The following CALD1 variants were observed in gnomAD, a reference collection of about 807,000 sequenced individuals.
CALD1 encodes caldesmon.
Under a neutral mutation model 99.9 loss-of-function variants are expected in CALD1, and 33 were observed. That is an observed-to-expected ratio of 0.33 (90% CI 0.25 to 0.44). The LOEUF is 0.44. Ranked by LOEUF, CALD1 falls within the 20% of genes least tolerant of loss-of-function variation. CALD1 has a pLI of 1.00. For missense variants in CALD1, 861 were observed against 962.1 expected, an observed-to-expected ratio of 0.89 and a Z score of 1.39; for synonymous variants, 310 against 325.0, an observed-to-expected ratio of 0.95 and a Z score of 0.50.
chr7:134,770,820 G>A (rs1222614867), intron 1 of CALD1, among the ~76,000 whole-genome samples: 4 of 152,116 alleles, frequency 2.6e-5, no homozygotes, highest in Admixed American at 2.6e-4. Context: ...AACATGTGAC[G>A]CCTCTTTAAG....
At chr7:134,932,854 G>T (rs1468527374) in intron 4 of CALD1, 134 bp from the exon 5 acceptor site, 99 of 580,938 alleles carry the variant, frequency 1.7e-4, no homozygotes, top group Non-Finnish European at 1.4e-4. Flanking sequence ...GTACTAAAAT[G>T]GTAACGTACT....
intron 1 of CALD1, among the ~76,000 whole-genome samples, chr7:134,840,122 T>C (rs2132137760): frequency 6.6e-6 from 1 of 152,324 alleles, no homozygotes; most frequent in East Asian, 1.9e-4. Context: ...TCTTTGCCTA[T>C]CCCAAAATCA....
At chr7:134,967,250 T>G (rs1208734924) in intron 14 of CALD1, among the ~76,000 whole-genome samples, 1 of 152,074 alleles carries the variant, frequency 6.6e-6, no homozygotes, top group African/African-American at 2.4e-5. Flanking sequence ...CAGTGTGAGT[T>G]TTCATGTGCC....
At chr7:134,789,420 G>A (rs1048757794) in intron 1 of CALD1, among the ~76,000 whole-genome samples, 4 of 152,180 alleles carry the variant, frequency 2.6e-5, no homozygotes, top group Admixed American at 2.6e-4. Context: ...GCTCTAGAAA[G>A]AATTGAGATC....
intron 1 of CALD1, among the ~76,000 whole-genome samples, chr7:134,837,450 C>A (rs985639684): frequency 6.6e-6 from 1 of 151,922 alleles, no homozygotes; most frequent in Non-Finnish European, 1.5e-5. Context: ...TCATGCGATT[C>A]TCCTGCCTCA....
At chr7:134,813,432 G>C (rs1798435421) in intron 1 of CALD1, among the ~76,000 whole-genome samples, 1 of 152,206 alleles carries the variant, frequency 6.6e-6, no homozygotes, top group Non-Finnish European at 1.5e-5. Flanking sequence ...ACAATTGCTA[G>C]AGCAATGTCC....
chr7:134,943,068 G>C (rs902484873), intron 7 of CALD1, among the ~76,000 whole-genome samples: 1 of 152,148 alleles, frequency 6.6e-6, no homozygotes. Context: ...AGCCACCAAC[G>C]TATGTGAGTT....
chr7:134,889,076 G>T (rs1194707881), intron 3 of CALD1, among the ~76,000 whole-genome samples: 1 of 152,166 alleles, frequency 6.6e-6, no homozygotes, highest in African/African-American at 2.4e-5. Context: ...GGGGAGGAGG[G>T]AATCAGGAGG....
At chr7:134,760,169 G>A (rs1332134273) in intron 1 of CALD1, among the ~76,000 whole-genome samples, 3 of 152,230 alleles carry the variant, frequency 2.0e-5, no homozygotes, top group Admixed American at 2.0e-4. Flanking sequence ...AAGTCTGAGA[G>A]ATAGAAGGGC....
chr7:134,905,852 T>C (rs537225270), intron 3 of CALD1, among the ~76,000 whole-genome samples: 3 of 152,104 alleles, frequency 2.0e-5, no homozygotes, highest in South Asian at 4.2e-4. Flanking sequence ...TCCATTGTTA[T>C]TAATCTCACA....
intron 5 of CALD1, 58 bp from the exon 6 acceptor site, chr7:134,935,630 G>T: frequency 6.4e-7 from 1 of 1,551,664 alleles, no homozygotes; most frequent in Non-Finnish European, 8.7e-7. Context: ...TGTCACTCTT[G>T]TAAACTAGAA....
At chr7:134,967,145 G>T (rs1255976426) in intron 14 of CALD1, among the ~76,000 whole-genome samples, 1 of 152,104 alleles carries the variant, frequency 6.6e-6, no homozygotes, top group Admixed American at 6.5e-5. Flanking sequence ...AGATGATGTG[G>T]AATGGTCAGA....
intron 1 of CALD1, among the ~76,000 whole-genome samples, chr7:134,787,876 A>G (rs3800710): frequency 6.6e-6 from 1 of 152,004 alleles, no homozygotes; most frequent in Non-Finnish European, 1.5e-5. Context: ...ATTTGTACCC[A>G]TGCTCTTCGG....
intron 3 of CALD1, among the ~76,000 whole-genome samples, chr7:134,909,560 G>A (rs1172636530): frequency 6.6e-6 from 1 of 152,202 alleles, no homozygotes; most frequent in Non-Finnish European, 1.5e-5. Context: ...GCAGGCACCT[G>A]TAATCCCACC....
At chr7:134,949,399 G>A (rs1387511857) in intron 8 of CALD1, among the ~76,000 whole-genome samples, 1 of 152,066 alleles carries the variant, frequency 6.6e-6, no homozygotes, top group African/African-American at 2.4e-5. Flanking sequence ...ATCAAGTTGT[G>A]CAACTTGATC....
chr7:134,811,793 G>C (rs576193133), intron 1 of CALD1, among the ~76,000 whole-genome samples: 1 of 152,170 alleles, frequency 6.6e-6, no homozygotes, highest in South Asian at 2.1e-4. Context: ...GTTCTACCCC[G>C]ATCTGGTTCT....
chr7:134,821,803 C>T (rs12671240), intron 1 of CALD1, among the ~76,000 whole-genome samples: 50,572 of 151,624 alleles, frequency 0.33, 9,504 homozygotes, highest in East Asian at 0.67. Context: ...ACCTGGTCTC[C>T]GGTTCCTGAA....
intron 1 of CALD1, among the ~76,000 whole-genome samples, chr7:134,793,557 G>A (rs1458740964): frequency 6.6e-6 from 1 of 151,894 alleles, no homozygotes; most frequent in African/African-American, 2.4e-5. Flanking sequence ...TCTTCTTGGT[G>A]CCCATTTCCC....
At chr7:134,740,170 G>T (rs138454664), upstream of CALD1, among the ~76,000 whole-genome samples, 2 of 152,222 alleles carry the variant, frequency 1.3e-5, no homozygotes, top group East Asian at 3.9e-4. Context: ...TAAGTATGCT[G>T]AGGGCTCTGC....
Sources: gnomAD v4.1 joint callset for allele counts (sites outside exome capture counted in the v4.1 genomes callset) on GRCh38, gnomAD v4.1.1 for gene constraint, MANE v1.5 for transcripts, NCBI Gene and HGNC (gene_info 2026-07-23, HGNC 2026-07-21) for gene names.